Variants in MACROD2 observed in about 807,000 individuals in gnomAD.
MACROD2 encodes the protein ADP-ribose glycohydrolase MACROD2.
Under a neutral mutation model 70.4 loss-of-function variants are expected in MACROD2, and 36 were observed. That is an observed-to-expected ratio of 0.51 (90% CI 0.39 to 0.68). The LOEUF is 0.68. Ranked by LOEUF, MACROD2 falls within the 30% of genes least tolerant of loss-of-function variation. The pLI is 0.00. For missense variants in MACROD2, 496 were observed against 538.4 expected, an observed-to-expected ratio of 0.92 and a Z score of 0.78; for synonymous variants, 172 against 178.8, an observed-to-expected ratio of 0.96 and a Z score of 0.30.
At chr20:14,358,084 A>G (rs1161168551) in intron 3 of MACROD2, among the ~76,000 whole-genome samples, 4 of 152,200 alleles carry the variant, frequency 2.6e-5, no homozygotes, top group South Asian at 2.1e-4. Flanking sequence ...AAAAGCAAAG[A>G]CCATTTAAGG....
At chr20:15,507,566 C>G (rs2047443912) in intron 8 of MACROD2, among the ~76,000 whole-genome samples, 1 of 151,254 alleles carries the variant, frequency 6.6e-6, no homozygotes, top group Non-Finnish European at 1.5e-5. Context: ...CCCAGACAAT[C>G]CCTTATCACT....
In MACROD2 at chr20:15,659,517, G is replaced by A. The variant is rs148240843; in HGVS notation, c.645+159670G>A. Among the ~76,000 whole-genome samples, 154 of 151,662 alleles carry A rather than the reference G, an allele frequency of 1.0e-3. 3 individuals carry two copies. In the East Asian group the frequency reaches 0.02, roughly 19 times the overall value. ...GAAGTTTTTTGTTGCTTCCCATGTC[G>A]TCTTGACCACCTAGAATGCTTGTCA... On this transcript the variant is annotated intron_variant, in intron 8 of 17. Transcript: ENST00000684519.
At chr20:15,594,220 T>C (rs2078560794) in intron 8 of MACROD2, among the ~76,000 whole-genome samples, 1 of 152,214 alleles carries the variant, frequency 6.6e-6, no homozygotes, top group Non-Finnish European at 1.5e-5. Flanking sequence ...CTTTTCTCTC[T>C]TTTTTCCTTT....
chr20:14,313,448 T>G (rs953380213), intron 3 of MACROD2, among the ~76,000 whole-genome samples: 119 of 102,724 alleles, frequency 1.2e-3, no homozygotes, highest in Middle Eastern at 4.7e-3. Context: ...TTTTTTTTTT[T>G]GTCCCAAAAT....
intron 5 of MACROD2, among the ~76,000 whole-genome samples, chr20:14,757,242 G>A (rs539135447): frequency 6.6e-5 from 10 of 152,070 alleles, no homozygotes; most frequent in South Asian, 6.2e-4. Context: ...CATAGCAAAT[G>A]AATAATACAG....
chr20:16,035,913 C>T (rs962221863), intron 15 of MACROD2, among the ~76,000 whole-genome samples: 1 of 152,004 alleles, frequency 6.6e-6, no homozygotes, highest in African/African-American at 2.4e-5. Context: ...CCTTGACACA[C>T]TTCTGCTAAC....
At chr20:14,227,715 C>T (rs2081755646) in intron 3 of MACROD2, among the ~76,000 whole-genome samples, 1 of 152,194 alleles carries the variant, frequency 6.6e-6, no homozygotes, top group Non-Finnish European at 1.5e-5. Flanking sequence ...GATTTAGATG[C>T]CAACTTTACT....
rs552325694 is a variant in MACROD2, at chr20:14,141,845, TTTA to T, written c.271+56123_271+56125del. ...AGCAAGCACTCAGTACCTTATAACT[TTTA>T]TTATTCTTTTTCAGCTTAAAAAATT... On this transcript the variant is annotated intron_variant, in intron 3 of 17. Coordinates refer to ENST00000684519, the MANE Select transcript of MACROD2 (RefSeq NM_001351661.2). 2.9e-3 allele frequency among the ~76,000 whole-genome samples: 447 copies of T among 152,080 alleles called. 2 individuals carry two copies. The highest frequency in any genetic ancestry group is 0.01 in the African/African-American group (422 of 41,496).
intron 4 of MACROD2, among the ~76,000 whole-genome samples, chr20:14,642,698 A>G (rs1214516836): frequency 6.6e-6 from 1 of 152,172 alleles, no homozygotes; most frequent in African/African-American, 2.4e-5. Flanking sequence ...AACACACAAT[A>G]TTTATCAATT....
At chr20:14,377,653 TC>T (rs2083384795) in intron 3 of MACROD2, among the ~76,000 whole-genome samples, 1 of 152,072 alleles carries the variant, frequency 6.6e-6, no homozygotes, top group South Asian at 2.1e-4. Flanking sequence ...AAGGAGAGAG[TC>T]AGATGCCAAC....
intron 2 of MACROD2, among the ~76,000 whole-genome samples, chr20:14,080,089 T>C (rs1014568237): frequency 6.6e-6 from 1 of 152,078 alleles, no homozygotes; most frequent in African/African-American, 2.4e-5. Flanking sequence ...AATCTATAGT[T>C]CTTATAGGAA....
At chr20:15,834,931 C>T (rs79381705) in intron 8 of MACROD2, among the ~76,000 whole-genome samples, 4,336 of 152,130 alleles carry the variant, frequency 0.029, 130 homozygotes, top group East Asian at 0.13. Context: ...ATGGTAGAAG[C>T]GATGATGTTT....
At chr20:14,252,241 C>A (rs1418317503) in intron 3 of MACROD2, among the ~76,000 whole-genome samples, 1 of 151,970 alleles carries the variant, frequency 6.6e-6, no homozygotes, top group African/African-American at 2.4e-5. Context: ...TCAGGTCTCT[C>A]CAATTATATT....
intron 15 of MACROD2, among the ~76,000 whole-genome samples, chr20:16,015,899 T>C (rs925316359): frequency 3.3e-5 from 5 of 152,216 alleles, no homozygotes; most frequent in Admixed American, 3.3e-4. Flanking sequence ...TTTGTTCTTA[T>C]TGATTTATAA....
chr20:14,212,957 C>T (rs79614807), intron 3 of MACROD2, among the ~76,000 whole-genome samples: 3,605 of 151,542 alleles, frequency 0.024, 131 homozygotes, highest in African/African-American at 0.081. Flanking sequence ...ATGTGATAAC[C>T]GTGGCTGAGT....
chr20:14,700,724 A>T (rs77846291), intron 5 of MACROD2, among the ~76,000 whole-genome samples: 2,137 of 152,256 alleles, frequency 0.014, 49 homozygotes, highest in African/African-American at 0.049. Context: ...CCCTCTGTGA[A>T]TGTTGGTGCC....
chr20:15,881,595 A>T (rs550713043), intron 9 of MACROD2, among the ~76,000 whole-genome samples: 10 of 152,264 alleles, frequency 6.6e-5, no homozygotes, highest in African/African-American at 2.4e-4. Flanking sequence ...TGTAGAGGTT[A>T]CATGTCTTGG....
chr20:14,394,926 T>C (rs1376556198), intron 3 of MACROD2, among the ~76,000 whole-genome samples: 1 of 152,224 alleles, frequency 6.6e-6, no homozygotes, highest in Admixed American at 6.5e-5. Flanking sequence ...ACCATCATTA[T>C]ATTCCTAGAA....
At chr20:14,051,461 C>T (rs1037962595) in intron 2 of MACROD2, among the ~76,000 whole-genome samples, 2 of 152,160 alleles carry the variant, frequency 1.3e-5, no homozygotes, top group Non-Finnish European at 2.9e-5. Flanking sequence ...AGTATATTTT[C>T]ACACACTTCT....
Sources: allele counts gnomAD v4.1 joint callset (sites outside exome capture counted in the v4.1 genomes callset), GRCh38; gene constraint gnomAD v4.1.1; transcripts MANE v1.5; gene names NCBI Gene and HGNC (gene_info 2026-07-23, HGNC 2026-07-21).